EML4: variants seen among roughly 807,000 people sequenced by gnomAD.
EML4 encodes the protein EMAP like 4.
In EML4, 72 loss-of-function variants were observed where a neutral mutation model predicts 129.0. That is an observed-to-expected ratio of 0.56 (90% CI 0.46 to 0.68). The LOEUF (loss-of-function observed/expected upper bound fraction) is 0.68. EML4 is among the 30% of genes least tolerant of loss of function. The pLI, the probability that EML4 is intolerant of heterozygous loss-of-function variation, is 0.00. For missense variants in EML4, 1,363 were observed against 1,190.6 expected, an observed-to-expected ratio of 1.14 and a Z score of -2.13; for synonymous variants, 532 against 405.0, an observed-to-expected ratio of 1.31 and a Z score of -3.77.
intron 1 of EML4, among the ~76,000 whole-genome samples, chr2:42,235,971 A>G (rs1226739700): frequency 1.3e-5 from 2 of 152,190 alleles, no homozygotes; most frequent in East Asian, 3.8e-4. Flanking sequence ...GAAGAGAAAC[A>G]TCACTGAACT....
intron 1 of EML4, among the ~76,000 whole-genome samples, chr2:42,191,095 A>G (rs1387360458): frequency 6.6e-6 from 1 of 152,214 alleles, no homozygotes; most frequent in African/African-American, 2.4e-5. Flanking sequence ...TTTTAAATTG[A>G]AAGACAAAGT....
intron 1 of EML4, among the ~76,000 whole-genome samples, chr2:42,229,203 A>G (rs576906273): frequency 6.6e-6 from 1 of 152,216 alleles, no homozygotes; most frequent in African/African-American, 2.4e-5. Context: ...AAAAAGGAAA[A>G]TTTCACTATT....
intron 19 of EML4, among the ~76,000 whole-genome samples, chr2:42,321,882 G>A (rs555550187): frequency 6.6e-6 from 1 of 152,324 alleles, no homozygotes; most frequent in South Asian, 2.1e-4. Flanking sequence ...CAAAAGCACA[G>A]GAAGCTGTGT....
intron 1 of EML4, among the ~76,000 whole-genome samples, chr2:42,238,232 C>T (rs1473577576): frequency 6.6e-6 from 1 of 152,058 alleles, no homozygotes; most frequent in African/African-American, 2.4e-5. Flanking sequence ...CTTCTGGTAC[C>T]AAGCAATTCA....
chr2:42,175,305 G>C (rs946983341), intron 1 of EML4, among the ~76,000 whole-genome samples: 8 of 151,482 alleles, frequency 5.3e-5, no homozygotes, highest in Non-Finnish European at 1.2e-4. Flanking sequence ...AGTAGAGATG[G>C]GGTTTCACTG....
chr2:42,314,910 T>C (rs957652253), intron 17 of EML4, among the ~76,000 whole-genome samples: 6 of 152,234 alleles, frequency 3.9e-5, no homozygotes, highest in Non-Finnish European at 8.8e-5. Context: ...TAGTTGGATT[T>C]AAGTCGTTGT....
intron 1 of EML4, among the ~76,000 whole-genome samples, chr2:42,217,329 T>G (rs1365937642): frequency 6.7e-6 from 1 of 149,648 alleles, no homozygotes; most frequent in Non-Finnish European, 1.5e-5. Context: ...GTCTCTAAGT[T>G]TTTTTTTCAG....
chr2:42,274,459 C>CT (rs1481302771), intron 6 of EML4, among the ~76,000 whole-genome samples: 9 of 152,166 alleles, frequency 5.9e-5, no homozygotes, highest in South Asian at 2.1e-4. Flanking sequence ...TAAACAATCT[C>CT]TAAGTCCAGA....
At chr2:42,305,894 T>A (rs181790009) in intron 17 of EML4, among the ~76,000 whole-genome samples, 229 of 152,320 alleles carry the variant, frequency 1.5e-3, no homozygotes, top group African/African-American at 5.3e-3. Flanking sequence ...GGGGTTTTTT[T>A]ATAGCGATTT....
At chr2:42,306,650 C>A (rs1014764753) in intron 17 of EML4, among the ~76,000 whole-genome samples, 1 of 134,530 alleles carries the variant, frequency 7.4e-6, no homozygotes. Flanking sequence ...CCTGCCACCA[C>A]GCCTGGCTAA....
rs540963537 is a variant in EML4, at chr2:42,263,558, C to T, written c.641+252C>T. 1.9e-4 allele frequency among the ~76,000 whole-genome samples: 29 copies of T among 151,390 alleles called. No homozygotes were observed. The South Asian group carries it at 2.7e-3, about 14-fold the overall frequency. On this transcript the variant is annotated intron_variant, in intron 5 of 22. Coordinates refer to ENST00000318522, the MANE Select transcript of EML4 (RefSeq NM_019063.5). ...TAGCTGGGACTATAGGCACGTGCCACCATGCCCAGCTAATTTTTGTATTTT... is the reference window on the plus strand; with the variant it reads ...TAGCTGGGACTATAGGCACGTGCCATCATGCCCAGCTAATTTTTGTATTTT...
intron 7 of EML4, among the ~76,000 whole-genome samples, chr2:42,282,382 T>A (rs1239240487): frequency 6.6e-6 from 1 of 150,924 alleles, no homozygotes; most frequent in Non-Finnish European, 1.5e-5. Context: ...GAGTTTTCCT[T>A]TTTTTTGGTG....
chr2:42,303,007 A>C, intron 14 of EML4, 97 bp from the exon 15 acceptor site: 1 of 1,285,470 alleles, frequency 7.8e-7, no homozygotes, highest in East Asian at 2.3e-5. Context: ...CTTTCGTCAT[A>C]ATTACCTCAT....
At chr2:42,262,215 A>C (rs567777665) in intron 4 of EML4, among the ~76,000 whole-genome samples, 2 of 152,276 alleles carry the variant, frequency 1.3e-5, no homozygotes, top group South Asian at 4.1e-4. Flanking sequence ...TCGCTAATGG[A>C]AATTGGGAAA....
At chr2:42,297,677 C>A (rs1440325023) in intron 13 of EML4, among the ~76,000 whole-genome samples, 1 of 152,152 alleles carries the variant, frequency 6.6e-6, no homozygotes, top group Non-Finnish European at 1.5e-5. Flanking sequence ...AATTCTGGCC[C>A]CCAGATTTCA....
intron 2 of EML4, among the ~76,000 whole-genome samples, chr2:42,249,495 T>G (rs11688572): frequency 6.6e-6 from 1 of 151,958 alleles, no homozygotes; most frequent in Non-Finnish European, 1.5e-5. Context: ...TCCCTATTAC[T>G]GAAGAGAGCT....
chr2:42,308,248 A>G (rs1668728553), intron 17 of EML4, among the ~76,000 whole-genome samples: 1 of 152,186 alleles, frequency 6.6e-6, no homozygotes, highest in African/African-American at 2.4e-5. Context: ...CATGCCTGTA[A>G]TCCCATCACT....
At chr2:42,328,063 T>G (rs778998104) in intron 21 of EML4, among the ~76,000 whole-genome samples, 2 of 152,244 alleles carry the variant, frequency 1.3e-5, no homozygotes, top group Non-Finnish European at 2.9e-5. Context: ...AATGAAGCAG[T>G]GACCCATAGC....
chr2:42,275,187 G>C (rs1311612605), intron 6 of EML4, among the ~76,000 whole-genome samples: 1 of 152,190 alleles, frequency 6.6e-6, no homozygotes, highest in Non-Finnish European at 1.5e-5. Flanking sequence ...TTAACTCAAT[G>C]TAGCCAAAAT....
Sources: gnomAD v4.1 joint callset for allele counts (sites outside exome capture counted in the v4.1 genomes callset) on GRCh38, gnomAD v4.1.1 for gene constraint, MANE v1.5 for transcripts, NCBI Gene and HGNC (gene_info 2026-07-23, HGNC 2026-07-21) for gene names.